The following GYG2 variants were observed in gnomAD, a reference collection of about 807,000 sequenced individuals.
GYG2 encodes glycogenin-2.
GYG2 carries 29 observed loss-of-function variants against 29.4 expected under a neutral mutation model. The observed-to-expected ratio is 0.99, with a 90% CI of 0.74 to 1.35. GYG2 has a LOEUF of 1.35. GYG2 is among the 40% of genes most tolerant of loss of function. The pLI is 0.00. For synonymous variants in GYG2, 167 were observed against 172.3 expected, an observed-to-expected ratio of 0.97 and a Z score of 0.24; for missense variants, 370 against 385.7, an observed-to-expected ratio of 0.96 and a Z score of 0.34.
chrX:2,844,999 ATATATTTATATACACATGTGTATG>A (rs1250374208), intron 3 of GYG2, among the ~76,000 whole-genome samples: 82 of 61,092 alleles, frequency 1.3e-3, no homozygotes, highest in African/African-American at 4.7e-3. Flanking sequence ...ATATGTTCAA[ATATATTTATATACACATGTGTATG>A]TATATTTATA....
At chrX:2,872,219 T>C (rs1460543790) in intron 8 of GYG2, among the ~76,000 whole-genome samples, 1 of 112,335 alleles carries the variant, frequency 8.9e-6, no homozygotes, top group Non-Finnish European at 1.9e-5. Context: ...AGAATAGTTA[T>C]TACCTAAGGA....
At position 2,860,047 on chromosome X, in the gene GYG2, C is replaced by T. The variant is rs138758732; in HGVS notation, c.819C>T (p.Arg273=). ...AAAGCGTCCAAGCGGGGGAAGCACG[C>T]GCGTCTCCTGGTCACACAGTAAGTG... The part of the protein sequence containing the change: ...LYKSVQAGEA[R]ASPGHTLCHS... Residue 273 remains arginine, a synonymous_variant, in exon 7 of 11, where the codon CGC becomes CGT. Transcript: ENST00000398806. The T allele has an allele frequency of 4.6e-5, 54 of 1,171,843 alleles. 1 individual carries two copies. In the African/African-American group the frequency reaches 5.0e-4, roughly 11 times the overall value.
At chrX:2,854,487 C>G (rs1181060757) in intron 4 of GYG2, among the ~76,000 whole-genome samples, 2 of 112,486 alleles carry the variant, frequency 1.8e-5, no homozygotes, top group African/African-American at 6.5e-5. Flanking sequence ...CTATTTCTAA[C>G]ACAGATGTTC....
At chrX:2,857,475 TATCTATCTAG>T (rs1284689275) in intron 6 of GYG2, among the ~76,000 whole-genome samples, 2 of 110,703 alleles carry the variant, frequency 1.8e-5, no homozygotes, top group Non-Finnish European at 3.8e-5. Flanking sequence ...TATATCTGTA[TATCTATCTAG>T]ATCTATCTAG....
intron 2 of GYG2, among the ~76,000 whole-genome samples, chrX:2,832,288 A>C (rs1320894312): frequency 1.8e-5 from 2 of 111,892 alleles, no homozygotes; most frequent in Non-Finnish European, 3.8e-5. Flanking sequence ...TGCTGGAGAG[A>C]GCTCGTGTGC....
chrX:2,861,705 G>A lies in GYG2; in HGVS notation c.1021G>A (p.Gly341Arg). 1 of 1,187,199 alleles carries A rather than the reference G, an allele frequency of 8.4e-7. No individual in the cohort carries two copies. Among genetic ancestry groups the A allele is most frequent in the East Asian group, 3.0e-5 (1 of 32,862 alleles). ...GGATGAGACCCTGTCCCTACCTGAAGGACGCCGTTCAGAAGATGTAAGTAC... is the reference window on the plus strand; with the variant it reads ...GGATGAGACCCTGTCCCTACCTGAAAGACGCCGTTCAGAAGATGTAAGTAC... ...IVDETLSLPE[G>R]RRSEDMIACP... The change falls in exon 8 of 11, where the codon GGA becomes AGA. Residue 341 changes from glycine (G) to arginine (R), a missense_variant. Coordinates refer to ENST00000398806, the MANE Select transcript of GYG2 (RefSeq NM_001079855.2).
intron 2 of GYG2, among the ~76,000 whole-genome samples, chrX:2,833,192 G>T (rs1288142513): frequency 9.0e-6 from 1 of 111,097 alleles, no homozygotes; most frequent in Non-Finnish European, 1.9e-5. Flanking sequence ...TTGGCTTGTA[G>T]ATGTTGTCTT....
chrX:2,864,336 A>T (rs2088245132), intron 8 of GYG2, among the ~76,000 whole-genome samples: 1 of 110,681 alleles, frequency 9.0e-6, no homozygotes, highest in Admixed American at 9.6e-5. Context: ...GACAACTCAA[A>T]GTGGGGCGGG....
At chrX:2,860,372 C>T (rs778656614) in intron 7 of GYG2, among the ~76,000 whole-genome samples, 20 of 111,198 alleles carry the variant, frequency 1.8e-4, no homozygotes, top group South Asian at 7.7e-4. Context: ...TGACTGATTA[C>T]GACGTCATTC....
At chrX:2,845,545 A>ATGTATATTTATATACACGTG (rs2087679561) in intron 3 of GYG2, among the ~76,000 whole-genome samples, 1 of 7,186 alleles carries the variant, frequency 1.4e-4, no homozygotes, top group African/African-American at 1.8e-4. Flanking sequence ...ACACGTGTGT[A>ATGTATATTTATATACACGTG]TGTATATTTA....
At chrX:2,866,178 C>T (rs192069016) in intron 8 of GYG2, among the ~76,000 whole-genome samples, 132 of 111,798 alleles carry the variant, frequency 1.2e-3, no homozygotes, top group Non-Finnish European at 1.8e-3. Context: ...TCTGTGGGAG[C>T]TAAAGAAATT....
intron 3 of GYG2, among the ~76,000 whole-genome samples, chrX:2,845,049 A>ATATATACACATGTGTATGTATATT (rs1569057279): frequency 2.2e-3 from 15 of 6,772 alleles, no homozygotes; most frequent in Admixed American, 3.5e-3. Context: ...ATGTGTATGT[A>ATATATACACATGTGTATGTATATT]TATATACACG....
At chrX:2,830,644 G>A (rs1438162378) in intron 2 of GYG2, among the ~76,000 whole-genome samples, 2 of 112,052 alleles carry the variant, frequency 1.8e-5, no homozygotes, top group Non-Finnish European at 3.8e-5. Context: ...GGGATGGCCC[G>A]GCTTGGTGGC....
chrX:2,831,771 T>G (rs1384437506), intron 2 of GYG2, among the ~76,000 whole-genome samples: 1 of 110,863 alleles, frequency 9.0e-6, no homozygotes. Context: ...CTGCTAAGGT[T>G]ATTTTGGGGG....
At chrX:2,877,977 C>T in intron 10 of GYG2, 4 of 752,809 alleles carry the variant, frequency 5.3e-6, no homozygotes, top group Non-Finnish European at 6.3e-6. Flanking sequence ...CTTCCCTGGA[C>T]AGTCACCCTT....
chrX:2,880,036 A>T (rs180803676), intron 10 of GYG2, among the ~76,000 whole-genome samples: 10 of 111,987 alleles, frequency 8.9e-5, no homozygotes, highest in African/African-American at 2.9e-4. Flanking sequence ...GATAGATAGA[A>T]AGATGTGTGT....
Position 2,832,988 on chromosome X carries a change from A to G in GYG2, c.7+2793A>G, listed in dbSNP as rs905584496. On this transcript the variant is annotated intron_variant, in intron 2 of 10. Coordinates refer to ENST00000398806, the MANE Select transcript of GYG2 (RefSeq NM_001079855.2). ...TATGATATTCATATATGAATTTTGG[A>G]GGTGCACAAGTCAGCCCATAATAGG... Among the ~76,000 whole-genome samples, 3 of 111,707 alleles carry G rather than the reference A, an allele frequency of 2.7e-5. No individual in the cohort carries two copies. The East Asian group carries it at 8.5e-4, about 32-fold the overall frequency.
chrX:2,858,382 C>G (rs1197035736), intron 6 of GYG2, among the ~76,000 whole-genome samples: 1 of 111,585 alleles, frequency 9.0e-6, no homozygotes, highest in Non-Finnish European at 1.9e-5. Context: ...GGGAGGCTCA[C>G]TTGAACCTGG....
At chrX:2,846,056 T>TATATATATATATATATATA (rs1491432509) in intron 3 of GYG2, among the ~76,000 whole-genome samples, 5 of 9,729 alleles carry the variant, frequency 5.1e-4, no homozygotes, top group Non-Finnish European at 8.8e-4. Context: ...TATATATATA[T>TATATATATATATATATATA]TTTTTTTTTT....
Sources: gnomAD v4.1 joint callset for allele counts (sites outside exome capture counted in the v4.1 genomes callset) on GRCh38, gnomAD v4.1.1 for gene constraint, MANE v1.5 for transcripts, NCBI Gene and HGNC (gene_info 2026-07-23, HGNC 2026-07-21) for gene names.